CUX1: variants seen among roughly 807,000 people sequenced by gnomAD.
CUX1 encodes the protein protein CASP.
Under a neutral mutation model 158.8 loss-of-function variants are expected in CUX1, and 31 were observed. That is an observed-to-expected ratio of 0.20 (90% confidence interval 0.15 to 0.26). The LOEUF (loss-of-function observed/expected upper bound fraction) is 0.26, where lower values mean the gene tolerates loss of function less well. CUX1 is among the 10% of genes least tolerant of loss of function. The pLI is 1.00. For synonymous variants in CUX1, 879 were observed against 862.1 expected, an observed-to-expected ratio of 1.02 and a Z score of -0.34; for missense variants, 1,589 against 2,014.6, an observed-to-expected ratio of 0.79 and a Z score of 4.04.
intron 2 of CUX1, among the ~76,000 whole-genome samples, chr7:101,985,510 A>C (rs1585179381): frequency 6.6e-6 from 1 of 152,230 alleles, no homozygotes; most frequent in East Asian, 1.9e-4. Flanking sequence ...TGCAAACTCC[A>C]CATCTTCCTA....
At chr7:102,231,443 G>A (rs1554530745) in intron 21 of CUX1, among the ~76,000 whole-genome samples, 1 of 151,912 alleles carries the variant, frequency 6.6e-6, no homozygotes, top group Non-Finnish European at 1.5e-5. Context: ...TTTCCTTGAT[G>A]TTGGTTTTAC....
At chr7:102,059,078 G>A (rs1477436923) in intron 3 of CUX1, among the ~76,000 whole-genome samples, 1 of 152,202 alleles carries the variant, frequency 6.6e-6, no homozygotes, top group East Asian at 1.9e-4. Flanking sequence ...TGCTCATGCT[G>A]GTTTTGCACT....
intron 6 of CUX1, among the ~76,000 whole-genome samples, chr7:102,109,566 T>C (rs1361764137): frequency 6.6e-6 from 1 of 152,082 alleles, no homozygotes; most frequent in Non-Finnish European, 1.5e-5. Context: ...GGCGGATCAC[T>C]TGAGGCCAGG....
At chr7:101,828,671 G>T (rs1793657775) in intron 1 of CUX1, among the ~76,000 whole-genome samples, 1 of 150,936 alleles carries the variant, frequency 6.6e-6, no homozygotes. Context: ...GCTCCAGGTC[G>T]GCCCCATTTC....
At position 102,196,901 on chromosome 7, in the gene CUX1, T is replaced by C. The variant is rs782150063; in HGVS notation, c.1490T>C (p.Met497Thr). 4.6e-5 allele frequency: 74 copies of C among 1,614,100 alleles called. 1 individual carries two copies. Among genetic ancestry groups the C allele is most frequent in the Non-Finnish European group, 3.2e-5 (38 of 1,180,048 alleles). The change falls in exon 15 of 24, where the codon ATG becomes ACG. Residue 497 changes from methionine (M) to threonine (T), a missense_variant. This residue lies in a region of CUX1 where 515 missense variants were observed against 574.4 expected (regional missense o/e 0.90). Transcript: ENST00000292535. ...ATGCAGTCCTTCTACTCCAAGGCTA[T>C]GCAGGAAGCCGGAAGCACAAGCATG... is the stretch of plus-strand genomic sequence containing the variant. ...QLMQSFYSKAMQEAGSTSMIF... is the reference protein window; with the variant it reads ...QLMQSFYSKATQEAGSTSMIF...
chr7:102,143,372 G>A (rs975117283), intron 8 of CUX1, among the ~76,000 whole-genome samples: 5 of 151,936 alleles, frequency 3.3e-5, no homozygotes, highest in Non-Finnish European at 5.9e-5. Flanking sequence ...GGGCTCAAAC[G>A]ATCCACCCAC....
intron 4 of CUX1, among the ~76,000 whole-genome samples, chr7:102,086,539 T>A (rs1401836054): frequency 1.3e-5 from 2 of 152,080 alleles, no homozygotes; most frequent in Non-Finnish European, 2.9e-5. Context: ...TAGTTAGTGG[T>A]GTTCTTCAAG....
chr7:102,224,454 C>T (rs1336313473), intron 20 of CUX1, among the ~76,000 whole-genome samples: 5 of 152,282 alleles, frequency 3.3e-5, no homozygotes, highest in African/African-American at 4.8e-5. Flanking sequence ...GTGATCTGCC[C>T]GCCTCAGCCT....
At chr7:101,955,184 G>A (rs1039836149) in intron 2 of CUX1, among the ~76,000 whole-genome samples, 2 of 151,844 alleles carry the variant, frequency 1.3e-5, no homozygotes, top group Non-Finnish European at 2.9e-5. Context: ...AAAAATGCAG[G>A]TTCAAGGAAG....
At chr7:101,950,743 G>T (rs1042786707) in intron 2 of CUX1, among the ~76,000 whole-genome samples, 1 of 152,044 alleles carries the variant, frequency 6.6e-6, no homozygotes. Flanking sequence ...TAGAGATGAG[G>T]TCTCACTACG....
In CUX1 at chr7:101,916,152, G is replaced by A. The variant is rs1280730199; in HGVS notation, c.68G>A (p.Arg23Gln). ...LDATATVLAN[R>Q]QDESEQSRKR... The stretch of plus-strand genomic sequence containing the variant: ...GCCACCGCAACGGTATTGGCGAACC[G>A]GCAGGATGAAAGTGAGCAGTCCAGA... Residue 23 changes from arginine to glutamine, a missense_variant, in exon 2 of 24, where the codon CGG becomes CAG. By Grantham distance (43) the Arg-to-Gln change is conservative. This residue lies in a region of CUX1 where 63 missense variants were observed against 109.2 expected (regional missense o/e 0.58). Transcript: ENST00000292535. The surrounding 1 kb of genome is among the most constrained non-coding windows in gnomAD (Gnocchi z 4.4). 6 of 1,613,882 alleles carry A rather than the reference G, an allele frequency of 3.7e-6. No individual in the cohort carries two copies. Among genetic ancestry groups the A allele is most frequent in the Non-Finnish European group, 5.1e-6 (6 of 1,179,874 alleles).
At chr7:101,870,121 C>G (rs1286210297) in intron 1 of CUX1, among the ~76,000 whole-genome samples, 1 of 150,576 alleles carries the variant, frequency 6.6e-6, no homozygotes, top group African/African-American at 2.5e-5. Context: ...GCTTGTGAGG[C>G]CATGCAGGCC....
chr7:102,043,750 G>A (rs1330379410), intron 3 of CUX1, among the ~76,000 whole-genome samples: 3 of 152,072 alleles, frequency 2.0e-5, no homozygotes, highest in Admixed American at 6.5e-5. Context: ...TTGCTGGATC[G>A]TATTAATTTT....
intron 2 of CUX1, among the ~76,000 whole-genome samples, chr7:102,008,544 G>A (rs1817645908): frequency 6.6e-6 from 1 of 152,054 alleles, no homozygotes; most frequent in African/African-American, 2.4e-5. Flanking sequence ...TAATCCCTGA[G>A]GTGCAGAGTG....
At position 102,273,428 on chromosome 7, in the gene CUX1, G is replaced by T; in HGVS notation, c.1318G>T (p.Glu440Ter). ...TGTGGCCACAGCCACTGAGCAGAGA[G>T]AGCTGATCGCCCGCCTGGAGCAGGA... is the stretch of plus-strand genomic sequence containing the variant. Residue 440 changes from glutamate to a stop codon, truncating the protein, a stop_gained, in exon 15 of 23, where the codon GAG becomes TAG. Transcript: ENST00000292538. LOFTEE classifies it high-confidence loss of function. 1 of 1,613,272 alleles carries T rather than the reference G, an allele frequency of 6.2e-7. No individual in the cohort carries two copies. Among genetic ancestry groups the T allele is most frequent in the Non-Finnish European group, 8.5e-7 (1 of 1,179,792 alleles).
intron 1 of CUX1, among the ~76,000 whole-genome samples, chr7:101,897,112 T>C (rs1801601865): frequency 6.6e-6 from 1 of 152,228 alleles, no homozygotes; most frequent in Non-Finnish European, 1.5e-5. Flanking sequence ...TCAAGCAAAC[T>C]ATTTAGGACG....
intron 11 of CUX1, among the ~76,000 whole-genome samples, chr7:102,185,172 A>G (rs1382502884): frequency 5.3e-5 from 8 of 152,214 alleles, no homozygotes; most frequent in East Asian, 1.9e-4. Context: ...TTCAGATCCA[A>G]TGTAGCCAGA....
At chr7:102,071,942 G>A (rs370760) in intron 4 of CUX1, among the ~76,000 whole-genome samples, 127,499 of 152,168 alleles carry the variant, frequency 0.84, 53,538 homozygotes, top group East Asian at 0.99. Context: ...TCTAGTTATT[G>A]GTTCCAAATT....
At chr7:102,166,134 A>T (rs868973200) in intron 9 of CUX1, among the ~76,000 whole-genome samples, 2 of 152,236 alleles carry the variant, frequency 1.3e-5, no homozygotes, top group Non-Finnish European at 2.9e-5. Context: ...TCGCCAGGTG[A>T]TGGGCATCGG....
Sources: gnomAD v4.1 joint callset for allele counts (sites outside exome capture counted in the v4.1 genomes callset) on GRCh38, gnomAD v4.1.1 for gene constraint, gnomAD v4.1.1 regional missense constraint, Gnocchi (gnomAD v3.1) non-coding constraint, MANE v1.5 for transcripts, NCBI Gene and HGNC (gene_info 2026-07-23, HGNC 2026-07-21) for gene names.